Variants in PARVA observed in about 807,000 individuals in gnomAD.
PARVA encodes the protein alpha-parvin.
In PARVA, 25 loss-of-function variants were observed where a neutral mutation model predicts 52.6. The ratio of observed to expected loss-of-function variants is 0.48; its 90% CI spans 0.35 to 0.66. The LOEUF is 0.66. PARVA is among the 30% of genes least tolerant of loss of function. The probability of loss-of-function intolerance (pLI) is 0.01; values close to 1 mark genes in which losing one functional copy is unlikely to be tolerated. For missense variants in PARVA, 373 were observed against 450.9 expected, an observed-to-expected ratio of 0.83 and a Z score of 1.56; for synonymous variants, 185 against 179.1, an observed-to-expected ratio of 1.03 and a Z score of -0.26.
At chr11:12,397,738 T>G (rs973534950) in intron 1 of PARVA, among the ~76,000 whole-genome samples, 2 of 152,120 alleles carry the variant, frequency 1.3e-5, no homozygotes, top group African/African-American at 2.4e-5. Flanking sequence ...CAGGATGTTT[T>G]GGATCTCAAG....
chr11:12,384,106 T>G (rs939368096), intron 1 of PARVA, among the ~76,000 whole-genome samples: 1 of 152,202 alleles, frequency 6.6e-6, no homozygotes, highest in Non-Finnish European at 1.5e-5. Flanking sequence ...TAAGGCCATT[T>G]CTTTCAGCTT....
intron 1 of PARVA, among the ~76,000 whole-genome samples, chr11:12,415,624 A>AAT (rs1940055943): frequency 6.6e-6 from 1 of 152,208 alleles, no homozygotes; most frequent in Admixed American, 6.5e-5. Context: ...TCTGGACTAC[A>AAT]ATATATATTA....
Position 12,535,350 on chromosome 11 carries a change from A to G in PARVA, c.*7425A>G, listed in dbSNP as rs1406261208. 1.3e-5 allele frequency among the ~76,000 whole-genome samples: 2 copies of G among 152,232 alleles called. No individual in the cohort carries two copies. Among genetic ancestry groups the G allele is most frequent in the East Asian group, 3.8e-4 (2 of 5,200 alleles). Reference sequence around the variant, plus strand: ...CAGCATCCCTTTGGTGTGCTTTGTCAATAAGATACAGAGCTTTCTCTCCCA... The same window carrying G: ...CAGCATCCCTTTGGTGTGCTTTGTCGATAAGATACAGAGCTTTCTCTCCCA... On this transcript the variant is annotated 3_prime_UTR_variant, in exon 13 of 13. Transcript: ENST00000334956.
intron 1 of PARVA, 108 bp from the exon 2 acceptor site, chr11:12,473,637 C>T: frequency 1.3e-6 from 1 of 798,740 alleles, no homozygotes; most frequent in Non-Finnish European, 2.1e-6. Context: ...GTAATCTACC[C>T]TTAGTGGGTT....
chr11:12,507,480 A>C (rs753805409), intron 6 of PARVA, among the ~76,000 whole-genome samples: 2 of 152,190 alleles, frequency 1.3e-5, no homozygotes, highest in Non-Finnish European at 2.9e-5. Flanking sequence ...TGGCACTCAG[A>C]GCTGCCCCCT....
chr11:12,433,197 T>C (rs73411566), intron 1 of PARVA, among the ~76,000 whole-genome samples: 1,707 of 152,268 alleles, frequency 0.011, 42 homozygotes, highest in African/African-American at 0.039. Flanking sequence ...CAGCTGAAAC[T>C]TTCCCGGAAT....
At chr11:12,512,773 T>A (rs1941518162) in intron 8 of PARVA, among the ~76,000 whole-genome samples, 1 of 152,150 alleles carries the variant, frequency 6.6e-6, no homozygotes, top group South Asian at 2.1e-4. Flanking sequence ...AAGAGGAAAC[T>A]AAGGCACAAA....
chr11:12,513,772 G>T, intron 9 of PARVA: 1 of 598,056 alleles, frequency 1.7e-6, no homozygotes, highest in Non-Finnish European at 3.0e-6. Context: ...GGACCTCCTT[G>T]TTCCTTACAC....
At chr11:12,479,058 T>C (rs1420878277) in intron 4 of PARVA, 3 of 152,238 alleles carry the variant, frequency 2.0e-5, no homozygotes, top group Non-Finnish European at 4.4e-5. Flanking sequence ...GCCTGACACA[T>C]AGTAGATGCT....
intron 1 of PARVA, among the ~76,000 whole-genome samples, chr11:12,472,691 AAAAATAAAATGGAAAGATGGGAC>A (rs1940949888): frequency 6.6e-6 from 1 of 152,198 alleles, no homozygotes; most frequent in Non-Finnish European, 1.5e-5. Flanking sequence ...AGTCAATAAA[AAAAATAAAATGGAAAGATGGGAC>A]GCTGCTTTTA....
rs182295631 is a variant in PARVA at position 12,420,049 on chromosome 11, C to T, written c.136+42266C>T. Among the ~76,000 whole-genome samples the T allele has an allele frequency of 5.4e-3, 828 of 152,266 alleles. 4 individuals are homozygous for T. Among genetic ancestry groups the T allele is most frequent in the Admixed American group, 9.7e-3 (148 of 15,288 alleles). ...TGTTCAGTAATGTTCCGAATACATA[C>T]GTAGCTAGTTCTCAAAATGCATTCC... is the stretch of plus-strand genomic sequence containing the variant. On this transcript the variant is annotated intron_variant, in intron 1 of 12. Coordinates refer to ENST00000334956, the MANE Select transcript of PARVA (RefSeq NM_018222.5).
intron 1 of PARVA, among the ~76,000 whole-genome samples, chr11:12,432,316 C>T (rs1489833203): frequency 6.6e-6 from 1 of 152,154 alleles, no homozygotes; most frequent in Non-Finnish European, 1.5e-5. Context: ...ATGTTTAGGA[C>T]AGTAGTATCT....
intron 1 of PARVA, among the ~76,000 whole-genome samples, chr11:12,460,970 T>G (rs150964003): frequency 0.012 from 1,898 of 152,262 alleles, 35 homozygotes; most frequent in African/African-American, 0.039. Flanking sequence ...CAGGACTTGG[T>G]TCAGGACTGT....
intron 1 of PARVA, among the ~76,000 whole-genome samples, chr11:12,460,524 C>T (rs1315839877): frequency 6.6e-6 from 1 of 152,152 alleles, no homozygotes; most frequent in East Asian, 1.9e-4. Flanking sequence ...GAGAGAGTTT[C>T]CACAAACAGT....
rs1381993665 is a variant in PARVA, at chr11:12,453,695, A to G, written c.137-20050A>G. 4.6e-5 allele frequency among the ~76,000 whole-genome samples: 7 copies of G among 152,216 alleles called. No individual in the cohort carries two copies. The East Asian group carries it at 1.3e-3, about 29-fold the overall frequency. On this transcript the variant is annotated intron_variant, in intron 1 of 12. Transcript: ENST00000334956. ...ACCCATAGGTTAAACATGGTTTTGAAAATTCATATGTTTGGGTTGATGGCT... is the reference window on the plus strand; with the variant it reads ...ACCCATAGGTTAAACATGGTTTTGAGAATTCATATGTTTGGGTTGATGGCT...
rs947739386 is a variant in PARVA, at chr11:12,528,983, T to C, written c.*1058T>C. 5 of 152,658 alleles carry C rather than the reference T, an allele frequency of 3.3e-5. No homozygotes were observed. Among genetic ancestry groups the C allele is most frequent in the East Asian group, 1.9e-4 (1 of 5,194 alleles). 9.5% of individuals were successfully genotyped at this position (152,658 alleles called of 1,614,324 possible). On this transcript the variant is annotated 3_prime_UTR_variant, in exon 13 of 13. Transcript: ENST00000334956. ...ACTAAATTCATTATCGTTAAGCAAA[T>C]GTACAATATGCTCAGGCACCGCAGA...
intron 1 of PARVA, among the ~76,000 whole-genome samples, chr11:12,398,579 C>T (rs1939783312): frequency 6.6e-6 from 1 of 151,008 alleles, no homozygotes; most frequent in South Asian, 2.1e-4. Context: ...CCCCGTCCTC[C>T]TGTGCCTAGC....
rs559657148 is a variant in PARVA at position 12,431,883 on chromosome 11, G to C, written c.137-41862G>C. Among the ~76,000 whole-genome samples, 3 of 152,264 alleles carry C rather than the reference G, an allele frequency of 2.0e-5. No homozygotes were observed. The South Asian group carries it at 6.2e-4, about 32-fold the overall frequency. ...GGCTTCTAAATCTAAGCAACCATTT[G>C]AATCTAGCAGTTGTTGGAAATTCCC... On this transcript the variant is annotated intron_variant, in intron 1 of 12. Coordinates refer to ENST00000334956, the MANE Select transcript of PARVA (RefSeq NM_018222.5).
intron 1 of PARVA, among the ~76,000 whole-genome samples, chr11:12,408,559 T>A (rs551664918): frequency 6.6e-6 from 1 of 152,256 alleles, no homozygotes; most frequent in East Asian, 1.9e-4. Flanking sequence ...GAGGCTGGGG[T>A]GTAGAGTACA....
Sources: allele counts gnomAD v4.1 joint callset (sites outside exome capture counted in the v4.1 genomes callset), GRCh38; gene constraint gnomAD v4.1.1; transcripts MANE v1.5; gene names NCBI Gene and HGNC (gene_info 2026-07-23, HGNC 2026-07-21).